MGAT4C: variants seen among roughly 807,000 people sequenced by gnomAD.
MGAT4C encodes the protein MGAT4 family member C, also known as alpha-1,3-mannosyl-glycoprotein 4-beta-N-acetylglucosaminyltransferase C.
In MGAT4C, 19 loss-of-function variants were observed where a neutral mutation model predicts 40.1. That is an observed-to-expected ratio of 0.47 (90% confidence interval 0.33 to 0.70). The LOEUF (loss-of-function observed/expected upper bound fraction) is 0.70. MGAT4C is among the 30% of genes least tolerant of loss of function. The pLI is 0.02. For missense variants in MGAT4C, 491 were observed against 563.2 expected, an observed-to-expected ratio of 0.87 and a Z score of 1.30; for synonymous variants, 181 against 187.1, an observed-to-expected ratio of 0.97 and a Z score of 0.27.
chr12:86,429,909 G>A (rs1957000452), intron 3 of MGAT4C, among the ~76,000 whole-genome samples: 1 of 152,076 alleles, frequency 6.6e-6, no homozygotes, highest in African/African-American at 2.4e-5. Flanking sequence ...GTCCTATTAT[G>A]TGAAAGTTTA....
In MGAT4C at chr12:86,350,948, T is replaced by A. The variant is rs1362515533; in HGVS notation, c.-119-16821A>T. Among the ~76,000 whole-genome samples, 9 of 151,858 alleles carry A rather than the reference T, an allele frequency of 5.9e-5. No individual in the cohort carries two copies. In the South Asian group the frequency reaches 1.7e-3, roughly 28 times the overall value. ...TACCTTTATAGACATGTTGTTTTTTTAATTTTCTTTTTTTCCCACCATATA... is the reference window on the plus strand; with the variant it reads ...TACCTTTATAGACATGTTGTTTTTTAAATTTTCTTTTTTTCCCACCATATA... On this transcript the variant is annotated intron_variant, in intron 3 of 7. Transcript: ENST00000548651.
At chr12:86,047,129 T>C (rs770893173) in intron 2 of MGAT4C, among the ~76,000 whole-genome samples, 5 of 152,174 alleles carry the variant, frequency 3.3e-5, no homozygotes, top group Non-Finnish European at 5.9e-5. Flanking sequence ...ACTGATATTC[T>C]GAAAGCAAAA....
At chr12:86,260,901 A>T (rs1484307829), upstream of MGAT4C, among the ~76,000 whole-genome samples, 1 of 152,036 alleles carries the variant, frequency 6.6e-6, no homozygotes, top group Admixed American at 6.6e-5. Context: ...TATAATAAAA[A>T]TATCTTTGAA....
chr12:86,254,365 T>G (rs1199793862), intron 1 of MGAT4C, among the ~76,000 whole-genome samples: 1 of 151,998 alleles, frequency 6.6e-6, no homozygotes, highest in African/African-American at 2.4e-5. Flanking sequence ...TGTAGTGCAT[T>G]TGTGACTAGC....
intron 2 of MGAT4C, among the ~76,000 whole-genome samples, chr12:86,642,235 A>G (rs1426254648): frequency 6.6e-6 from 1 of 151,838 alleles, no homozygotes; most frequent in East Asian, 1.9e-4. Flanking sequence ...TAGCTAAATA[A>G]TATCTTGGAA....
intron 2 of MGAT4C, among the ~76,000 whole-genome samples, chr12:86,613,191 A>G (rs977605365): frequency 1.2e-4 from 19 of 152,234 alleles, no homozygotes; most frequent in African/African-American, 4.6e-4. Flanking sequence ...ACCAATTTAT[A>G]TGAAATCTCT....
At chr12:86,047,507 T>C (rs914517612) in intron 2 of MGAT4C, among the ~76,000 whole-genome samples, 2 of 152,176 alleles carry the variant, frequency 1.3e-5, no homozygotes, top group Non-Finnish European at 2.9e-5. Context: ...GCTTCCTGTG[T>C]GAAAATTCCT....
chr12:86,229,837 T>C (rs1275600806), intron 1 of MGAT4C, among the ~76,000 whole-genome samples: 6 of 152,078 alleles, frequency 3.9e-5, no homozygotes, highest in Admixed American at 2.0e-4. Context: ...TATATAACTT[T>C]CAGCAAAGCA....
intron 1 of MGAT4C, among the ~76,000 whole-genome samples, chr12:86,817,444 G>A (rs908602546): frequency 6.6e-6 from 1 of 151,330 alleles, no homozygotes; most frequent in Non-Finnish European, 1.5e-5. Context: ...AATGTTCCAC[G>A]TGTATTCTTC....
intron 3 of MGAT4C, among the ~76,000 whole-genome samples, chr12:86,387,514 C>T (rs1022941941): frequency 5.3e-5 from 8 of 151,958 alleles, no homozygotes; most frequent in Non-Finnish European, 1.2e-4. Context: ...TATATGTTTG[C>T]AATATTTACT....
intron 1 of MGAT4C, among the ~76,000 whole-genome samples, chr12:86,082,755 A>G (rs536627474): frequency 5.3e-5 from 8 of 152,270 alleles, no homozygotes; most frequent in African/African-American, 1.9e-4. Context: ...TGTTATGGGA[A>G]AATAATGGAA....
intron 2 of MGAT4C, among the ~76,000 whole-genome samples, chr12:86,576,281 T>G (rs1234260820): frequency 6.6e-6 from 1 of 151,980 alleles, no homozygotes; most frequent in Non-Finnish European, 1.5e-5. Context: ...TTTTGTGGGT[T>G]GTCTCTTCAC....
intron 2 of MGAT4C, among the ~76,000 whole-genome samples, chr12:86,569,367 G>A (rs568876147): frequency 4.6e-5 from 7 of 152,126 alleles, no homozygotes; most frequent in Non-Finnish European, 8.8e-5. Flanking sequence ...TTAAAAAGTT[G>A]GCAAAGGATA....
chr12:86,784,880 C>T (rs1293390057), intron 1 of MGAT4C, among the ~76,000 whole-genome samples: 1 of 151,836 alleles, frequency 6.6e-6, no homozygotes, highest in Non-Finnish European at 1.5e-5. Context: ...CTAACTCAAG[C>T]AATACAGAGA....
chr12:86,477,655 T>C (rs1592895462), intron 2 of MGAT4C, among the ~76,000 whole-genome samples: 1 of 152,174 alleles, frequency 6.6e-6, no homozygotes, highest in Admixed American at 6.6e-5. Flanking sequence ...TGCAGGTTTG[T>C]TACATATGTA....
At chr12:86,654,871 A>T (rs1963803371) in intron 2 of MGAT4C, among the ~76,000 whole-genome samples, 1 of 152,040 alleles carries the variant, frequency 6.6e-6, no homozygotes, top group South Asian at 2.1e-4. Context: ...TTTCAAGATC[A>T]TCAATTACTA....
At chr12:86,311,079 T>G (rs1344089471) in intron 4 of MGAT4C, among the ~76,000 whole-genome samples, 1 of 152,202 alleles carries the variant, frequency 6.6e-6, no homozygotes, top group Admixed American at 6.5e-5. Context: ...AGCACAAAGC[T>G]CTCCATTAGT....
chr12:86,513,625 T>C (rs1372702100), intron 2 of MGAT4C, among the ~76,000 whole-genome samples: 1 of 152,042 alleles, frequency 6.6e-6, no homozygotes, highest in Non-Finnish European at 1.5e-5. Flanking sequence ...AATGTCTGTA[T>C]GGGAAAAAAA....
rs1420511886 is a variant in MGAT4C at position 85,964,573 on chromosome 12, C to T, written c.*14716G>A. 2 of 152,060 alleles carry T rather than the reference C, an allele frequency of 1.3e-5. No individual in the cohort carries two copies. Among genetic ancestry groups the T allele is most frequent in the Non-Finnish European group, 2.9e-5 (2 of 67,992 alleles). 9.4% of individuals were successfully genotyped at this position (152,060 alleles called of 1,614,324 possible). The stretch of plus-strand genomic sequence containing the variant: ...GGTTAAGGCAAATACATCATGTTTA[C>T]TGGTAAAGATAACATTATTTAAGGA... On this transcript the variant is annotated 3_prime_UTR_variant, in exon 5 of 5. Transcript: ENST00000611864.
Sources: allele counts gnomAD v4.1 joint callset (sites outside exome capture counted in the v4.1 genomes callset), GRCh38; gene constraint gnomAD v4.1.1; transcripts MANE v1.5; gene names NCBI Gene and HGNC (gene_info 2026-07-23, HGNC 2026-07-21).